Variants in MTMR1 observed in about 807,000 individuals in gnomAD.
The protein encoded by MTMR1 is phosphatidylinositol-3-phosphate phosphatase MTMR1.
MTMR1 carries 17 observed loss-of-function variants against 51.6 expected under a neutral mutation model. The observed-to-expected ratio is 0.33, with a 90% CI of 0.23 to 0.49. The LOEUF (loss-of-function observed/expected upper bound fraction) is 0.49, where lower values mean the gene tolerates loss of function less well. MTMR1 is among the 20% of genes least tolerant of loss of function. MTMR1 has a pLI of 0.99. For missense variants in MTMR1, 386 were observed against 526.9 expected (o/e 0.73, Z 2.62); for synonymous variants, 201 against 205.6 (o/e 0.98, Z 0.19).
chrX:150,762,603 C>A lies in MTMR1; in HGVS notation c.1896C>A (p.Val632=). The A allele has an allele frequency of 1.7e-6, 2 of 1,212,058 alleles. No homozygotes were observed. The highest frequency in any genetic ancestry group is 2.2e-6 in the Non-Finnish European group (2 of 895,549). ...IHQNLKELLA[V]RAELQKRVEG... ...AGAATCTCAAGGAGCTGCTGGCCGTCAGGGCGGAGCTGCAGAAGCGTGTGG... is the reference window on the plus strand; with the variant it reads ...AGAATCTCAAGGAGCTGCTGGCCGTAAGGGCGGAGCTGCAGAAGCGTGTGG... The change falls in exon 16 of 16, where the codon GTC becomes GTA. Residue 632 remains valine (V), a synonymous_variant. Coordinates refer to ENST00000445323, the MANE Select transcript of MTMR1 (RefSeq NM_001306144.3).
intron 15 of MTMR1, among the ~76,000 whole-genome samples, chrX:150,760,359 CCTGTTGGGCCTCTT>C (rs2043068249): frequency 9.1e-6 from 1 of 109,416 alleles, no homozygotes; most frequent in Admixed American, 9.7e-5. Context: ...CAGATGCAAG[CCTGTTGGGCCTCTT>C]TTCTCTGAGA....
At chrX:150,715,940 C>A (rs1243637253) in intron 3 of MTMR1, among the ~76,000 whole-genome samples, 1 of 112,094 alleles carries the variant, frequency 8.9e-6, no homozygotes, top group Non-Finnish European at 1.9e-5. Flanking sequence ...ATCTTGAGAG[C>A]ATTGTGTATT....
chrX:150,710,182 C>T (rs2041258122), intron 2 of MTMR1, among the ~76,000 whole-genome samples: 1 of 111,179 alleles, frequency 9.0e-6, no homozygotes, highest in African/African-American at 3.3e-5. Context: ...ATGATAGAGG[C>T]GCCATGCTGA....
At chrX:150,708,245 A>C in intron 2 of MTMR1, among the ~76,000 whole-genome samples, 1 of 111,807 alleles carries the variant, frequency 8.9e-6, no homozygotes, top group East Asian at 2.8e-4. Flanking sequence ...GGTACATGGA[A>C]TCTGTATTAT....
At chrX:150,703,150 A>G (rs782228796) in intron 2 of MTMR1, among the ~76,000 whole-genome samples, 1 of 112,346 alleles carries the variant, frequency 8.9e-6, no homozygotes, top group East Asian at 2.8e-4. Context: ...TTTAGGAACT[A>G]TTAGTAGAAG....
chrX:150,712,852 G>A, intron 3 of MTMR1: 1 of 618,733 alleles, frequency 1.6e-6, no homozygotes, highest in Non-Finnish European at 2.1e-6. Context: ...GCTAAATTTA[G>A]CAAAATCAAT....
rs180878642 is a variant in MTMR1 at position 150,760,279 on chromosome X, G to A, written c.1858-2286G>A. Among the ~76,000 whole-genome samples, 160 of 99,426 alleles carry A rather than the reference G, an allele frequency of 1.6e-3. 7 individuals are homozygous for A. The highest frequency in any genetic ancestry group is 3.1e-3 in the Non-Finnish European group (138 of 45,187). 86.3% of individuals were successfully genotyped at this position (99,426 alleles called of 115,157 possible). On this transcript the variant is annotated intron_variant, in intron 15 of 15. Transcript: ENST00000445323. Reference sequence around the variant, plus strand: ...TGGGTGTCCAGTGACAGGGCCTGAGGAGCCAGGTGAGGCAGAGAGAAGGAG... The same window carrying A: ...TGGGTGTCCAGTGACAGGGCCTGAGAAGCCAGGTGAGGCAGAGAGAAGGAG...
At chrX:150,732,113 G>A (rs1254827366) in intron 9 of MTMR1, among the ~76,000 whole-genome samples, 2 of 111,460 alleles carry the variant, frequency 1.8e-5, no homozygotes, top group Non-Finnish European at 3.8e-5. Context: ...GAAAATGAGA[G>A]GTGGGGTGGC....
rs994825055 is a variant in MTMR1 at position 150,764,651 on chromosome X, G to A, written c.*1922G>A. 5.4e-5 allele frequency: 6 copies of A among 111,417 alleles called. No homozygotes were observed. The highest frequency in any genetic ancestry group is 9.4e-5 in the Non-Finnish European group (5 of 53,041). 9.2% of individuals were successfully genotyped at this position (111,417 alleles called of 1,213,427 possible). A position where few individuals can be genotyped will look rare whatever the true frequency, so the allele number is the denominator to read the frequency against. On this transcript the variant is annotated 3_prime_UTR_variant, in exon 16 of 16. Coordinates refer to ENST00000445323, the MANE Select transcript of MTMR1 (RefSeq NM_001306144.3). ...TGCACCTCACCTGGCGGAGGCTGGG[G>A]GGGGCTCTGTCAGCAGGACCCTAGA...
intron 2 of MTMR1, among the ~76,000 whole-genome samples, chrX:150,704,369 C>G (rs1557416016): frequency 1.8e-5 from 2 of 111,866 alleles, no homozygotes; most frequent in African/African-American, 6.5e-5. Flanking sequence ...CCACACCCAC[C>G]CCACCAACAA....
intron 4 of MTMR1, among the ~76,000 whole-genome samples, chrX:150,720,696 G>C (rs1344839588): frequency 1.8e-5 from 2 of 112,071 alleles, no homozygotes; most frequent in African/African-American, 6.5e-5. Flanking sequence ...TTAAAAAACT[G>C]CTAATGTGTT....
In MTMR1 at chrX:150,727,829, A is replaced by C. The variant is rs782691390; in HGVS notation, c.555+38A>C. ...CGCCAAGTGAAAACTAAAAGAGGGC[A>C]ATCAGCTCTGAACTTTTTCTCCCTC... On this transcript the variant is annotated intron_variant, in intron 6 of 15. Coordinates refer to ENST00000445323, the MANE Select transcript of MTMR1 (RefSeq NM_001306144.3). 3 of 1,039,379 alleles carry C rather than the reference A, an allele frequency of 2.9e-6. No individual in the cohort carries two copies. The South Asian group carries it at 6.0e-5, about 21-fold the overall frequency. The allele number at this position is 1,039,379 out of a possible 1,213,427, so 85.7% of individuals were successfully genotyped here. A position where few individuals can be genotyped will look rare whatever the true frequency, so the allele number is the denominator to read the frequency against.
In MTMR1 at chrX:150,737,454, T is replaced by A. The variant is rs782430548; in HGVS notation, c.1473+6T>A. On this transcript the variant is annotated splice_donor_region_variant and intron_variant, in intron 12 of 15. Transcript: ENST00000445323. Reference sequence around the variant, plus strand: ...TTGGACACAGGTTTGCACTGGTAAGTTCAGACAGTGAGGTTTATGCTGGAC... The same window carrying A: ...TTGGACACAGGTTTGCACTGGTAAGATCAGACAGTGAGGTTTATGCTGGAC... 1 of 1,201,234 alleles carries A rather than the reference T, an allele frequency of 8.3e-7. No homozygotes were observed. The highest frequency in any genetic ancestry group is 1.1e-6 in the Non-Finnish European group (1 of 887,442).
At chrX:150,715,943 T>A (rs2041498992) in intron 3 of MTMR1, among the ~76,000 whole-genome samples, 1 of 112,061 alleles carries the variant, frequency 8.9e-6, no homozygotes, top group African/African-American at 3.2e-5. Context: ...TTGAGAGCAT[T>A]GTGTATTCTT....
At chrX:150,712,908 A>G (rs1438246027) in intron 3 of MTMR1, 2 of 907,929 alleles carry the variant, frequency 2.2e-6, no homozygotes, top group South Asian at 2.5e-5. Context: ...GTTACAGCTT[A>G]TATTTTCCTC....
Position 150,764,894 on chromosome X carries a change from A to AATC in MTMR1, c.*2169_*2171dup, listed in dbSNP as rs2043252259. Reference sequence around the variant, plus strand: ...TGTCTCATCTGTTGCACTGTATTTCAATCATCTGTAATTAAAATGATCATA... The same window carrying AATC: ...TGTCTCATCTGTTGCACTGTATTTCAATCATCATCTGTAATTAAAATGATCATA... On this transcript the variant is annotated 3_prime_UTR_variant, in exon 16 of 16. Transcript: ENST00000445323. 2 of 112,263 alleles carry AATC rather than the reference A, an allele frequency of 1.8e-5. No homozygotes were observed. Among genetic ancestry groups the AATC allele is most frequent in the African/African-American group, 6.5e-5 (2 of 30,881 alleles). The allele number at this position is 112,263 out of a possible 1,213,427, so 9.3% of individuals were successfully genotyped here. A position where few individuals can be genotyped will look rare whatever the true frequency, so the allele number is the denominator to read the frequency against.
At chrX:150,703,997 C>T (rs782504178) in intron 2 of MTMR1, among the ~76,000 whole-genome samples, 1 of 112,068 alleles carries the variant, frequency 8.9e-6, no homozygotes, top group South Asian at 3.7e-4. Context: ...AAGATTTAGA[C>T]TTCTGTTTCT....
intron 3 of MTMR1, among the ~76,000 whole-genome samples, chrX:150,717,493 T>C (rs1160150606): frequency 9.0e-6 from 1 of 110,902 alleles, no homozygotes; most frequent in Non-Finnish European, 1.9e-5. Context: ...AAAGTAATGC[T>C]CTATGAAATA....
intron 2 of MTMR1, among the ~76,000 whole-genome samples, chrX:150,708,792 C>T (rs1026132209): frequency 9.0e-6 from 1 of 111,004 alleles, no homozygotes; most frequent in Non-Finnish European, 1.9e-5. Context: ...CTGATTTAAC[C>T]CTGCCAACAA....
Sources: allele counts gnomAD v4.1 joint callset (sites outside exome capture counted in the v4.1 genomes callset), GRCh38; gene constraint gnomAD v4.1.1; transcripts MANE v1.5; gene names NCBI Gene and HGNC (gene_info 2026-07-23, HGNC 2026-07-21).